Variants in ZNF28 observed in about 807,000 individuals in gnomAD.
ZNF28 encodes zinc finger protein 28, also known as zinc finger protein KOX24.
ZNF28 carries 5 observed loss-of-function variants against 7.2 expected under a neutral mutation model. That is an observed-to-expected ratio of 0.70 (90% CI 0.36 to 1.46). ZNF28 has a LOEUF of 1.46. Among genes scored for constraint, ZNF28 ranks in the 40% most tolerant of loss-of-function variants. The pLI is 0.03. For synonymous variants in ZNF28, 288 were observed against 292.4 expected (o/e 0.99, Z 0.15); for missense variants, 879 against 866.6 (o/e 1.01, Z -0.18).
rs2062862089 is a variant in ZNF28 at position 52,801,043 on chromosome 19, C to A, written c.802G>T (p.Glu268Ter). ...CACTCATTACACTTGTAAGGTTTCT[C>A]ATCAATGTGAGATCTACGATGGCAT... ...LACHRRSHID[E>*]KPYKCNECGK... is the part of the protein sequence containing the mutation. Residue 268 changes from glutamate (E) to a stop codon, truncating the protein, a stop_gained, in exon 4 of 4, where the codon GAG (glutamate) becomes TAG (stop). Transcript: ENST00000457749. LOFTEE classifies it low-confidence loss of function (END_TRUNC). 2.5e-6 allele frequency: 4 copies of A among 1,614,036 alleles called. No homozygotes were observed. The highest frequency in any genetic ancestry group is 3.4e-6 in the Non-Finnish European group (4 of 1,180,030).
intron 2 of ZNF28, among the ~76,000 whole-genome samples, chr19:52,811,504 C>G (rs1206168847): frequency 6.7e-6 from 1 of 148,532 alleles, no homozygotes; most frequent in Middle Eastern, 3.2e-3. Context: ...TCTGCCCGGC[C>G]GCCCATCGTC....
Position 52,800,863 on chromosome 19 carries a change from T to A in ZNF28, c.982A>T (p.Lys328Ter), listed in dbSNP as rs1219867050. ...AAAGCTTTGTCACAAACCTTACATT[T>A]GTATGGTTTCCCTCCAGTATAAATT... ...KIIYTGGKPY[K>*]CKVCDKAFTC... Residue 328 changes from lysine to a stop codon, truncating the protein, a stop_gained, in exon 4 of 4, where the codon AAA (lysine) becomes TAA (stop). Coordinates refer to ENST00000457749, the MANE Select transcript of ZNF28 (RefSeq NM_006969.5). LOFTEE classifies it low-confidence loss of function (END_TRUNC). 3.1e-6 allele frequency: 5 copies of A among 1,614,110 alleles called. No individual in the cohort carries two copies. The highest frequency in any genetic ancestry group is 4.2e-6 in the Non-Finnish European group (5 of 1,179,962).
intron 3 of ZNF28, 101 bp downstream of exon 3, chr19:52,807,906 A>G (rs2062956314): frequency 6.4e-7 from 1 of 1,561,252 alleles, no homozygotes; most frequent in Non-Finnish European, 8.7e-7. Flanking sequence ...TTCAAAATCA[A>G]TACGGCTTCC....
rs1356550264 is a variant in ZNF28, at chr19:52,812,176, A to G, written c.16-4043T>C. 4.5e-4 allele frequency among the ~76,000 whole-genome samples: 53 copies of G among 118,704 alleles called. 5 individuals carry two copies. The highest frequency in any genetic ancestry group is 5.0e-3 in the Middle Eastern group (1 of 202). 77.9% of individuals were successfully genotyped at this position (118,704 alleles called of 152,430 possible). On this transcript the variant is annotated intron_variant, in intron 2 of 3. Coordinates refer to ENST00000457749, the MANE Select transcript of ZNF28 (RefSeq NM_006969.5). Reference sequence around the variant, plus strand: ...AGCCCCCCGCCCGGCCAGCCGCCCCATCTGGGAGGTGAGGGGCGCTTCTGC... The same window carrying G: ...AGCCCCCCGCCCGGCCAGCCGCCCCGTCTGGGAGGTGAGGGGCGCTTCTGC...
intron 2 of ZNF28, chr19:52,809,944 C>A: frequency 2.4e-6 from 2 of 850,420 alleles, no homozygotes; most frequent in Admixed American, 2.0e-5. Flanking sequence ...GAGGTTGCCC[C>A]GGGGGGCGCA....
At chr19:52,814,197 G>A (rs1279422000) in intron 2 of ZNF28, 2 of 146,504 alleles carry the variant, frequency 1.4e-5, no homozygotes, top group Non-Finnish European at 3.0e-5. Context: ...GAAAGGAGAT[G>A]CTTTATGGCC....
intron 3 of ZNF28, among the ~76,000 whole-genome samples, chr19:52,803,042 T>C (rs1418760873): frequency 1.3e-5 from 2 of 151,958 alleles, no homozygotes; most frequent in Non-Finnish European, 2.9e-5. Flanking sequence ...ATTATAGGCA[T>C]GAGCCACCGC....
chr19:52,802,355 G>A (rs1395266583), intron 3 of ZNF28, among the ~76,000 whole-genome samples: 1 of 147,996 alleles, frequency 6.8e-6, no homozygotes, highest in Admixed American at 6.9e-5. Context: ...GTGACAAAAT[G>A]AGCCTCCATC....
At position 52,798,196 on chromosome 19, in the gene ZNF28, C is replaced by G. The variant is rs1386296706; in HGVS notation, c.*1492G>C. ...AAACACAGGCTGGGAAAAGTGGCTC[C>G]CGTCTGTTGGCCAGGCTGTTCTCAA... is the stretch of plus-strand genomic sequence containing the variant. On this transcript the variant is annotated 3_prime_UTR_variant, in exon 4 of 4. Coordinates refer to ENST00000457749, the MANE Select transcript of ZNF28 (RefSeq NM_006969.5). 6.4e-6 allele frequency: 1 copy of G among 157,152 alleles called. No homozygotes were observed. The highest frequency in any genetic ancestry group is 1.9e-4 in the East Asian group (1 of 5,230). 9.7% of individuals were successfully genotyped at this position (157,152 alleles called of 1,614,324 possible). A position where few individuals can be genotyped will look rare whatever the true frequency, so the allele number is the denominator to read the frequency against.
chr19:52,810,485 G>A, intron 2 of ZNF28: 3 of 1,586,974 alleles, frequency 1.9e-6, no homozygotes, highest in Non-Finnish European at 2.6e-6. Context: ...CTTGGCCTTG[G>A]ATGAGTCCCT....
intron 3 of ZNF28, among the ~76,000 whole-genome samples, chr19:52,806,717 C>T (rs1438777050): frequency 2.0e-5 from 3 of 151,844 alleles, no homozygotes; most frequent in African/African-American, 7.3e-5. Flanking sequence ...GCCTGGCCAA[C>T]ATGGTGAAAC....
At chr19:52,811,655 GCAA>G (rs2063042755) in intron 2 of ZNF28, among the ~76,000 whole-genome samples, 1 of 145,360 alleles carries the variant, frequency 6.9e-6, no homozygotes, top group African/African-American at 2.7e-5. Context: ...CCTCTGCCTG[GCAA>G]CCGCCCCGTC....
chr19:52,813,249 G>GATAAAAAAAAAAA (rs1555806827), intron 2 of ZNF28, among the ~76,000 whole-genome samples: 1 of 62,984 alleles, frequency 1.6e-5, no homozygotes, highest in East Asian at 8.2e-4. Context: ...CTTGAATGGT[G>GATAAAAAAAAAAA]AAAAAAAAAA....
intron 1 of ZNF28, among the ~76,000 whole-genome samples, chr19:52,818,614 G>A (rs2063156594): frequency 6.6e-6 from 1 of 152,160 alleles, no homozygotes. Context: ...GGAGGCTGAG[G>A]TAGAATTGCT....
chr19:52,801,065 G>A lies in ZNF28; in HGVS notation c.780C>T (p.Cys260=), dbSNP rs776879823. 5.6e-6 allele frequency: 9 copies of A among 1,613,978 alleles called. No individual in the cohort carries two copies. Among genetic ancestry groups the A allele is most frequent in the Middle Eastern group, 1.6e-4 (1 of 6,084 alleles). ...TCTCATCAATGTGAGATCTACGATG[G>A]CATGCAAGGTATCGCTTCTGATTAA... ...KVFNQKRYLA[C]HRRSHIDEKP... is the part of the protein sequence containing the mutation. Residue 260 remains cysteine, a synonymous_variant, in exon 4 of 4, where the codon TGC becomes TGT. Coordinates refer to ENST00000457749, the MANE Select transcript of ZNF28 (RefSeq NM_006969.5).
rs922910886 is a variant in ZNF28, at chr19:52,814,481, C to T, written c.15+3463G>A. On this transcript the variant is annotated intron_variant, in intron 2 of 3. Coordinates refer to ENST00000457749, the MANE Select transcript of ZNF28 (RefSeq NM_006969.5). ...TGATGGCACGTGACTATAATCCCAGCTACTTAGGAGGCTAAAACAGGAGAA... is the reference window on the plus strand; with the variant it reads ...TGATGGCACGTGACTATAATCCCAGTTACTTAGGAGGCTAAAACAGGAGAA... 1.4e-5 allele frequency: 2 copies of T among 145,740 alleles called. 1 individual carries two copies. The highest frequency in any genetic ancestry group is 1.4e-4 in the Admixed American group (2 of 14,430). 9.0% of individuals were successfully genotyped at this position (145,740 alleles called of 1,614,324 possible).
chr19:52,809,925 G>A (rs2062994991), intron 2 of ZNF28: 4 of 854,734 alleles, frequency 4.7e-6, no homozygotes, highest in South Asian at 2.8e-5. Context: ...GGCCGGTGGG[G>A]AGGCCGGGGA....
chr19:52,810,214 A>G, intron 2 of ZNF28: 1 of 1,099,514 alleles, frequency 9.1e-7, no homozygotes, highest in South Asian at 1.2e-5. Context: ...GAGCTACAGA[A>G]CGACGTAGAG....
At chr19:52,818,761 T>C (rs2147692290) in intron 1 of ZNF28, among the ~76,000 whole-genome samples, 1 of 150,494 alleles carries the variant, frequency 6.6e-6, no homozygotes, top group East Asian at 2.0e-4. Context: ...CACACACCTG[T>C]AATCTTAGCT....
Sources: allele counts gnomAD v4.1 joint callset (sites outside exome capture counted in the v4.1 genomes callset), GRCh38; gene constraint gnomAD v4.1.1; transcripts MANE v1.5; gene names NCBI Gene and HGNC (gene_info 2026-07-23, HGNC 2026-07-21).